The following KAT6B variants were observed in gnomAD, a reference collection of about 807,000 sequenced individuals.
KAT6B encodes the protein lysine acetyltransferase 6B.
Under a neutral mutation model 187.5 loss-of-function variants are expected in KAT6B, and 10 were observed. The ratio of observed to expected loss-of-function variants is 0.05; its 90% CI spans 0.03 to 0.09. The LOEUF is 0.09. KAT6B is among the 10% of genes least tolerant of loss of function. The pLI, the probability that KAT6B is intolerant of heterozygous loss-of-function variation, is 1.00. For synonymous variants in KAT6B, 861 were observed against 926.8 expected, an observed-to-expected ratio of 0.93 and a Z score of 1.29; for missense variants, 1,952 against 2,558.9, an observed-to-expected ratio of 0.76 and a Z score of 5.12.
At chr10:74,941,971 G>A (rs1226340355) in intron 3 of KAT6B, among the ~76,000 whole-genome samples, 1 of 152,060 alleles carries the variant, frequency 6.6e-6, no homozygotes, top group Admixed American at 6.6e-5. Context: ...CCAACATGGC[G>A]AAACCCCATC....
intron 4 of KAT6B, among the ~76,000 whole-genome samples, chr10:74,969,212 T>C (rs761536942): frequency 2.6e-5 from 4 of 152,172 alleles, no homozygotes; most frequent in Non-Finnish European, 4.4e-5. Flanking sequence ...CTCAATTTTT[T>C]ATTTAGTTAT....
chr10:74,984,090 A>G (rs1842682822), intron 11 of KAT6B: 1 of 152,192 alleles, frequency 6.6e-6, no homozygotes, highest in African/African-American at 2.4e-5. Flanking sequence ...TCTCAAATAC[A>G]TGTAAACTTC....
intron 3 of KAT6B, among the ~76,000 whole-genome samples, chr10:74,942,125 C>T (rs991086394): frequency 1.3e-5 from 2 of 151,870 alleles, no homozygotes; most frequent in East Asian, 1.9e-4. Context: ...ACTCTGGCCT[C>T]GGCGACAGAG....
Position 74,846,441 on chromosome 10 carries a change from G to GT in KAT6B, c.621+2970dup, listed in dbSNP as rs932234780. 9.9e-5 allele frequency among the ~76,000 whole-genome samples: 15 copies of GT among 151,832 alleles called. No homozygotes were observed. In the South Asian group the frequency reaches 1.5e-3, roughly 15 times the overall value. On this transcript the variant is annotated intron_variant, in intron 3 of 17. Coordinates refer to ENST00000287239, the MANE Select transcript of KAT6B (RefSeq NM_012330.4). The stretch of plus-strand genomic sequence containing the variant: ...ATATGTATATATATATTTTTGTTTT[G>GT]TTTTTTTGTTTTTTTTGAGATGGAG...
At chr10:74,995,019 G>A (rs1296272165) in intron 13 of KAT6B, among the ~76,000 whole-genome samples, 1 of 152,018 alleles carries the variant, frequency 6.6e-6, no homozygotes, top group East Asian at 1.9e-4. Context: ...CCAGATCTGC[G>A]CCACCATACG....
intron 13 of KAT6B, among the ~76,000 whole-genome samples, chr10:74,989,803 T>TA (rs1203104893): frequency 6.6e-6 from 1 of 152,166 alleles, no homozygotes; most frequent in African/African-American, 2.4e-5. Context: ...ACTGGATGTG[T>TA]AAATGTTGTG....
intron 13 of KAT6B, among the ~76,000 whole-genome samples, chr10:74,998,576 C>T (rs1360830338): frequency 3.9e-5 from 6 of 152,092 alleles, no homozygotes; most frequent in Non-Finnish European, 8.8e-5. Flanking sequence ...AAGAGAGAAC[C>T]ATTCCCACGA....
intron 3 of KAT6B, among the ~76,000 whole-genome samples, chr10:74,859,036 C>G (rs1243725721): frequency 1.3e-5 from 2 of 151,268 alleles, no homozygotes; most frequent in Non-Finnish European, 2.9e-5. Context: ...TGTGCCCTGC[C>G]TTTGATGATA....
At chr10:74,872,214 A>C (rs1028518382) in intron 3 of KAT6B, among the ~76,000 whole-genome samples, 2 of 152,198 alleles carry the variant, frequency 1.3e-5, no homozygotes, top group African/African-American at 4.8e-5. Flanking sequence ...CAAGTATTAC[A>C]TACTCACAGA....
At position 75,029,780 on chromosome 10, in the gene KAT6B, C is replaced by T. The variant is rs768071253; in HGVS notation, c.4956C>T (p.Val1652=). Residue 1652 remains valine (V), a synonymous_variant, in exon 18 of 18, where the codon GTC becomes GTT. Transcript: ENST00000287239. This position sits in a 1 kb window ranked among gnomAD's most constrained non-coding sequence, Gnocchi z 6.2. ...QNMETSPMMD[V]PSVSDHSQQV... The stretch of plus-strand genomic sequence containing the variant: ...TGGAAACCAGTCCCATGATGGATGT[C>T]CCATCAGTTTCAGATCATTCACAGC... 44 of 1,613,766 alleles carry T rather than the reference C, an allele frequency of 2.7e-5. No homozygotes were observed. Among genetic ancestry groups the T allele is most frequent in the Non-Finnish European group, 3.5e-5 (41 of 1,179,802 alleles).
chr10:74,860,020 T>C (rs186981349), intron 3 of KAT6B, among the ~76,000 whole-genome samples: 161 of 152,344 alleles, frequency 1.1e-3, no homozygotes, highest in African/African-American at 3.3e-3. Flanking sequence ...GAGCTAGCAT[T>C]GAGAACACTT....
In KAT6B at chr10:74,981,880, T is replaced by C; in HGVS notation, c.2325T>C (p.His775=). Residue 775 remains histidine, a synonymous_variant, in exon 11 of 18, where the codon CAT becomes CAC. Coordinates refer to ENST00000287239, the MANE Select transcript of KAT6B (RefSeq NM_012330.4). ...LRHSKKCGWF[H]PPANEIYRRK... ...ACTCCAAGAAGTGTGGATGGTTTCA[T>C]CCTCCAGCAAATGAAATTTACCGAA... The C allele has an allele frequency of 6.2e-7, 1 of 1,613,404 alleles. No individual in the cohort carries two copies. Among genetic ancestry groups the C allele is most frequent in the Non-Finnish European group, 8.5e-7 (1 of 1,179,500 alleles).
chr10:75,017,676 TTATGAGGG>T (rs1845078892), intron 13 of KAT6B, among the ~76,000 whole-genome samples: 1 of 151,974 alleles, frequency 6.6e-6, no homozygotes, highest in Non-Finnish European at 1.5e-5. Flanking sequence ...ACATCGCATG[TTATGAGGG>T]TCAGAGTAGT....
At chr10:74,910,298 CA>C (rs1227897433) in intron 3 of KAT6B, among the ~76,000 whole-genome samples, 1 of 152,074 alleles carries the variant, frequency 6.6e-6, no homozygotes, top group Non-Finnish European at 1.5e-5. Context: ...AACTCCATCT[CA>C]AAAAATAACT....
intron 3 of KAT6B, among the ~76,000 whole-genome samples, chr10:74,937,730 TTAAC>T (rs1305792234): frequency 1.3e-5 from 2 of 152,356 alleles, no homozygotes; most frequent in Admixed American, 1.3e-4. Context: ...ATTTTAATCA[TTAAC>T]TAAATGCTTA....
At chr10:74,969,851 G>A (rs1841735094) in intron 5 of KAT6B, 76 bp downstream of exon 5, 2 of 1,139,676 alleles carry the variant, frequency 1.8e-6, no homozygotes, top group Non-Finnish European at 2.6e-6. Flanking sequence ...TTTTTATAGA[G>A]TATGGCTACT....
intron 2 of KAT6B, among the ~76,000 whole-genome samples, chr10:74,840,608 T>C (rs1841676743): frequency 6.6e-6 from 1 of 152,202 alleles, no homozygotes; most frequent in South Asian, 2.1e-4. Flanking sequence ...ATTTTAAAAA[T>C]GTAAAGACTC....
intron 7 of KAT6B, 48 bp downstream of exon 7, chr10:74,972,687 A>G (rs887683587): frequency 6.6e-7 from 1 of 1,523,552 alleles, no homozygotes; most frequent in African/African-American, 1.4e-5. Flanking sequence ...TTGCTTTAAA[A>G]TATAGGTGAT....
At chr10:75,023,210 C>G (rs1007799006) in intron 16 of KAT6B, among the ~76,000 whole-genome samples, 1 of 152,212 alleles carries the variant, frequency 6.6e-6, no homozygotes, top group African/African-American at 2.4e-5. Flanking sequence ...CTATCTGGGA[C>G]ATAGAGGAGA....
Sources: allele counts gnomAD v4.1 joint callset (sites outside exome capture counted in the v4.1 genomes callset), GRCh38; gene constraint gnomAD v4.1.1; non-coding constraint Gnocchi (gnomAD v3.1); transcripts MANE v1.5; gene names NCBI Gene and HGNC (gene_info 2026-07-23, HGNC 2026-07-21).